LAMA2: variants seen among roughly 807,000 people sequenced by gnomAD.
The protein encoded by LAMA2 is laminin subunit alpha-2.
A neutral mutation model predicts 364.8 loss-of-function variants in LAMA2; 269 were observed. That is an observed-to-expected ratio of 0.74 (90% CI 0.67 to 0.82). LAMA2 has a LOEUF of 0.82. Among genes scored for constraint, LAMA2 ranks in the 40% least tolerant of loss-of-function variants. LAMA2 has a pLI of 0.00. For missense variants in LAMA2, 3,807 were observed against 3,873.2 expected (o/e 0.98, Z 0.45); for synonymous variants, 1,379 against 1,370.6 (o/e 1.01, Z -0.14).
intron 35 of LAMA2, among the ~76,000 whole-genome samples, chr6:129,388,227 GC>G (rs1451005570): frequency 2.0e-5 from 3 of 149,256 alleles, no homozygotes; most frequent in Non-Finnish European, 4.4e-5. Flanking sequence ...CTGCACTCCA[GC>G]CTGGGCAACA....
intron 1 of LAMA2, among the ~76,000 whole-genome samples, chr6:128,914,358 C>T (rs1778172087): frequency 6.6e-6 from 1 of 152,106 alleles, no homozygotes; most frequent in African/African-American, 2.4e-5. Context: ...AAAATGTCTG[C>T]ATGTTTATTA....
intron 43 of LAMA2, among the ~76,000 whole-genome samples, chr6:129,441,972 G>T (rs1267346566): frequency 2.0e-5 from 3 of 151,424 alleles, no homozygotes; most frequent in African/African-American, 7.3e-5. Context: ...GGCAGATTGA[G>T]ATGCTGTCTC....
At chr6:129,055,176 TTTA>T (rs1554207591) in intron 2 of LAMA2, among the ~76,000 whole-genome samples, 87 of 123,754 alleles carry the variant, frequency 7.0e-4, no homozygotes, top group African/African-American at 2.7e-3. Flanking sequence ...ATTATTATTA[TTTA>T]TTATTATTAT....
chr6:129,134,430 GT>G (rs1391383668), intron 4 of LAMA2, among the ~76,000 whole-genome samples: 1 of 152,136 alleles, frequency 6.6e-6, no homozygotes, highest in East Asian at 1.9e-4. Flanking sequence ...TTATTAAGAT[GT>G]TAGTAAGACT....
intron 1 of LAMA2, 106 bp downstream of exon 1, chr6:128,883,463 G>A: frequency 1.3e-6 from 2 of 1,527,656 alleles, no homozygotes; most frequent in Admixed American, 2.0e-5. Context: ...GTCTTGCTTC[G>A]CCTTCAGAGA....
intron 1 of LAMA2, among the ~76,000 whole-genome samples, chr6:129,036,139 C>G (rs1273516207): frequency 6.6e-6 from 1 of 151,898 alleles, no homozygotes; most frequent in African/African-American, 2.4e-5. Flanking sequence ...TTCCATTTGT[C>G]CATGTCATTT....
At chr6:129,299,517 G>A (rs1562432520) in intron 21 of LAMA2, among the ~76,000 whole-genome samples, 1 of 152,084 alleles carries the variant, frequency 6.6e-6, no homozygotes, top group African/African-American at 2.4e-5. Flanking sequence ...TCTATTTAGT[G>A]TTATGATTCC....
At chr6:129,352,441 GA>G (rs1215207023) in intron 31 of LAMA2, among the ~76,000 whole-genome samples, 1 of 152,150 alleles carries the variant, frequency 6.6e-6, no homozygotes, top group Non-Finnish European at 1.5e-5. Flanking sequence ...AGATACACAT[GA>G]AAAATCCATC....
At chr6:129,390,944 C>A (rs1779282887) in intron 35 of LAMA2, among the ~76,000 whole-genome samples, 1 of 152,080 alleles carries the variant, frequency 6.6e-6, no homozygotes, top group Non-Finnish European at 1.5e-5. Context: ...TAATTTATAA[C>A]CCTTCTCCTA....
chr6:129,162,777 A>G (rs1779514564), intron 8 of LAMA2, among the ~76,000 whole-genome samples: 1 of 152,152 alleles, frequency 6.6e-6, no homozygotes, highest in Non-Finnish European at 1.5e-5. Context: ...TGGCCCGTAG[A>G]CCAAATCTGA....
chr6:129,351,125 C>T (rs1776828885), intron 31 of LAMA2, among the ~76,000 whole-genome samples: 1 of 152,042 alleles, frequency 6.6e-6, no homozygotes, highest in Non-Finnish European at 1.5e-5. Flanking sequence ...TACCTTTAAA[C>T]ACCAGTAGGA....
chr6:129,509,346 C>T (rs1786375599), intron 62 of LAMA2, among the ~76,000 whole-genome samples: 1 of 152,086 alleles, frequency 6.6e-6, no homozygotes, highest in African/African-American at 2.4e-5. Context: ...TGTGCAGAAG[C>T]TTTTTAACTT....
intron 4 of LAMA2, among the ~76,000 whole-genome samples, chr6:129,123,153 A>G (rs1776902362): frequency 6.6e-6 from 1 of 151,914 alleles, no homozygotes; most frequent in Non-Finnish European, 1.5e-5. Flanking sequence ...AAAACATCCA[A>G]AAATTAGCCA....
intron 1 of LAMA2, among the ~76,000 whole-genome samples, chr6:129,047,554 T>G (rs916164674): frequency 6.6e-6 from 1 of 152,144 alleles, no homozygotes; most frequent in Non-Finnish European, 1.5e-5. Flanking sequence ...AAGGGATTTT[T>G]AAAGACATAT....
At chr6:129,185,568 T>A (rs897866957) in intron 10 of LAMA2, among the ~76,000 whole-genome samples, 3 of 151,852 alleles carry the variant, frequency 2.0e-5, no homozygotes, top group Non-Finnish European at 2.9e-5. Context: ...AATATCATAT[T>A]GATTTTATGT....
Position 129,144,063 on chromosome 6 carries a change from C to T in LAMA2, c.802C>T (p.Pro268Ser). ...TCACAAAGACCCAAGAGAAATTGAC[C>T]CCATTGTCACCAGAAGAGTAAGTTA... ...FAHKDPREID[P>S]IVTRRYYYSV... Residue 268 changes from proline to serine, a missense_variant, in exon 5 of 65, where the codon CCC becomes TCC. Physicochemically the swap from Pro to Ser is moderately conservative, Grantham distance 74. Around this residue, in one of 3 missense-constraint regions of LAMA2, gnomAD observed 394 missense variants for 403.5 expected, o/e 0.98. Transcript: ENST00000421865. 1 of 1,611,740 alleles carries T rather than the reference C, an allele frequency of 6.2e-7. No homozygotes were observed. The highest frequency in any genetic ancestry group is 1.1e-5 in the South Asian group (1 of 91,030).
intron 31 of LAMA2, among the ~76,000 whole-genome samples, chr6:129,352,623 A>G (rs970301499): frequency 6.6e-6 from 1 of 152,204 alleles, no homozygotes; most frequent in African/African-American, 2.4e-5. Flanking sequence ...AGAAGTCAAT[A>G]TAGAATTGCA....
At chr6:129,008,134 C>T (rs1263681847) in intron 1 of LAMA2, among the ~76,000 whole-genome samples, 1 of 152,150 alleles carries the variant, frequency 6.6e-6, no homozygotes, top group Non-Finnish European at 1.5e-5. Context: ...TTATTTTGCT[C>T]TTGAACATGC....
chr6:129,275,481 A>C (rs1465298142), intron 17 of LAMA2, among the ~76,000 whole-genome samples: 1 of 152,038 alleles, frequency 6.6e-6, no homozygotes, highest in East Asian at 1.9e-4. Flanking sequence ...CATTGAAAAG[A>C]AGCAAAAAAA....
Sources: allele counts gnomAD v4.1 joint callset (sites outside exome capture counted in the v4.1 genomes callset), GRCh38; gene constraint gnomAD v4.1.1; regional missense constraint gnomAD v4.1.1; transcripts MANE v1.5; gene names NCBI Gene and HGNC (gene_info 2026-07-23, HGNC 2026-07-21).